FLNA: variants seen among roughly 807,000 people sequenced by gnomAD.
The protein encoded by FLNA is filamin-A.
Under a neutral mutation model 157.6 loss-of-function variants are expected in FLNA, and 7 were observed. The observed-to-expected ratio is 0.04, with a 90% CI of 0.03 to 0.08. FLNA has a LOEUF of 0.08. Among genes scored for constraint, FLNA ranks in the 10% least tolerant of loss-of-function variants. The probability of loss-of-function intolerance (pLI) is 1.00; values close to 1 mark genes in which losing one functional copy is unlikely to be tolerated. For synonymous variants in FLNA, 1,103 were observed against 1,060.8 expected, an observed-to-expected ratio of 1.04 and a Z score of -0.77; for missense variants, 1,750 against 2,398.4, an observed-to-expected ratio of 0.73 and a Z score of 5.65.
chrX:154,371,138 C>G lies in FLNA; in HGVS notation c.108G>C (p.Ala36=). 8.3e-7 allele frequency: 1 copy of G among 1,202,198 alleles called. No individual in the cohort carries two copies. Residue 36 remains alanine (A), a synonymous_variant, in exon 2 of 48, where the codon GCG becomes GCC. Transcript: ENST00000369850. ...AEMPATEKDL[A]EDAPWKKIQQ... Reference sequence around the variant, plus strand: ...GGATCTTCTTCCACGGCGCGTCCTCCGCCAGGTCCTTCTCGGTGGCCGGCA... The same window carrying G: ...GGATCTTCTTCCACGGCGCGTCCTCGGCCAGGTCCTTCTCGGTGGCCGGCA...
Position 154,362,289 on chromosome X carries a change from T to C in FLNA, c.2609A>G (p.His870Arg), listed in dbSNP as rs200679107. Residue 870 changes from histidine to arginine, a missense_variant, in exon 18 of 48, where the codon CAT becomes CGT. Coordinates refer to ENST00000369850, the MANE Select transcript of FLNA (RefSeq NM_001110556.2). Reference protein sequence around the residue: ...SPIRVKVEPSHDASKVKAEGP... With the variant: ...SPIRVKVEPSRDASKVKAEGP... ...CTCGGCCTTCACCTTACTGGCGTCA[T>C]GAGAGGGCTCCACCTTGACTCGGAT... is the stretch of plus-strand genomic sequence containing the variant. The C allele has an allele frequency of 7.4e-5, 90 of 1,209,590 alleles. No homozygotes were observed. The South Asian group carries it at 1.1e-3, about 15-fold the overall frequency.
In FLNA at chrX:154,366,556, G is replaced by GCTCA; in HGVS notation, c.1065+2_1065+5dup. The GCTCA allele has an allele frequency of 8.3e-7, 1 of 1,210,543 alleles. No homozygotes were observed. Among genetic ancestry groups the GCTCA allele is most frequent in the East Asian group, 3.0e-5 (1 of 33,856 alleles). On this transcript the variant is annotated splice_donor_region_variant and intron_variant, in intron 7 of 47. Coordinates refer to ENST00000369850, the MANE Select transcript of FLNA (RefSeq NM_001110556.2). ...TCACAAGCCTCCCCCCTGGCCAAGG[G>GCTCA]CTCACCTTATGAGTCCCCGTCACCT...
In FLNA at chrX:154,354,175, G is replaced by A. The variant is rs782307604; in HGVS notation, c.5533C>T (p.Arg1845Cys). 5.0e-6 allele frequency: 6 copies of A among 1,210,836 alleles called. No homozygotes were observed. The highest frequency in any genetic ancestry group is 3.5e-5 in the South Asian group (2 of 56,926). ...CCTGGGATGTGCATGTTGTCATAGC[G>A]GATGTCCATCTCGTGCAGGCCAGCC... ...SEAGLHEMDI[R>C]YDNMHIPGSP... Residue 1845 changes from arginine to cysteine, a missense_variant, in exon 34 of 48, where the codon CGC becomes TGC. Transcript: ENST00000369850.
chrX:154,354,391 G>T lies in FLNA; in HGVS notation c.5406C>A (p.Gly1802=), dbSNP rs782099907. 6.6e-6 allele frequency: 8 copies of T among 1,210,920 alleles called. 1 individual carries two copies. The South Asian group carries it at 1.4e-4, about 21-fold the overall frequency. The part of the protein sequence containing the change: ...DLVIPFTIKK[G]EITGEVRMPS... Reference sequence around the variant, plus strand: ...CAAGTCCCCACTCACCTGTGATCTCGCCCTTCTTGATGGTGAAGGGGATGA... The same window carrying T: ...CAAGTCCCCACTCACCTGTGATCTCTCCCTTCTTGATGGTGAAGGGGATGA... Residue 1802 remains glycine (G), a synonymous_variant, in exon 33 of 48, where the codon GGC becomes GGA. Coordinates refer to ENST00000369850, the MANE Select transcript of FLNA (RefSeq NM_001110556.2).
In FLNA at chrX:154,362,556, C is replaced by A; in HGVS notation, c.2427G>T (p.Lys809Asn). The stretch of plus-strand genomic sequence containing the variant: ...CGGGGCCTACCACTCCAGGGGCACA[C>A]TTGATGCCGATGCTGACGTCCCCTG... ...AGQGDVSIGI[K>N]CAPGVVGPAE... Residue 809 changes from lysine (K) to asparagine (N), a missense_variant, in exon 17 of 48, where the codon AAG becomes AAT. This residue lies in a region of FLNA where 648 missense variants were observed against 805.8 expected (regional missense o/e 0.80). Coordinates refer to ENST00000369850, the MANE Select transcript of FLNA (RefSeq NM_001110556.2). 8.3e-7 allele frequency: 1 copy of A among 1,211,463 alleles called. No homozygotes were observed. The highest frequency in any genetic ancestry group is 1.1e-6 in the Non-Finnish European group (1 of 895,454).
intron 2 of FLNA, among the ~76,000 whole-genome samples, chrX:154,369,915 G>A (rs2067792309): frequency 8.9e-6 from 1 of 112,294 alleles, no homozygotes; most frequent in African/African-American, 3.2e-5. Context: ...GGGCTGCAGG[G>A]TAACTGGAAG....
In FLNA at chrX:154,353,456, A is replaced by C. The variant is rs2148105577; in HGVS notation, c.5862T>G (p.Gly1954=). The C allele has an allele frequency of 8.3e-7, 1 of 1,211,472 alleles. No homozygotes were observed. Among genetic ancestry groups the C allele is most frequent in the Non-Finnish European group, 1.1e-6 (1 of 895,478 alleles). ...PGSPFTARVT[G]DDSMRMSHLK... The stretch of plus-strand genomic sequence containing the variant: ...GGTGGGACATACGCATGGAGTCGTC[A>C]CCTGGTGGGGACAGGCCAGCCATCA... The change falls in exon 37 of 48, where the codon GGT becomes GGG. Residue 1954 remains glycine, a splice_region_variant and synonymous_variant. Transcript: ENST00000369850.
chrX:154,357,688 G>A (rs1360777233), intron 28 of FLNA, 65 bp from the exon 29 acceptor site: 14 of 1,010,986 alleles, frequency 1.4e-5, no homozygotes, highest in African/African-American at 5.6e-5. Flanking sequence ...TGCCTCAGGC[G>A]CTCCCAGAGT....
At chrX:154,349,063 A>C in intron 47 of FLNA, 27 bp from the exon 48 acceptor site, 1 of 1,176,651 alleles carries the variant, frequency 8.5e-7, no homozygotes, top group Non-Finnish European at 1.1e-6. Context: ...CCTCAGTCCC[A>C]GGTCCCAGCC....
In FLNA at chrX:154,361,403, C is replaced by T. The variant is rs1187268269; in HGVS notation, c.3112G>A (p.Glu1038Lys). ...NSVVRFLPRE[E>K]GPYEVEVTYD... ...GTCACCTCCACCTCATAGGGCCCTT[C>T]CTCACGGGGCAGGAAGCGCACCACA... The change falls in exon 21 of 48, where the codon GAA (glutamate) becomes AAA (lysine). Residue 1038 changes from glutamate to lysine, a missense_variant. This residue lies in a region of FLNA where 648 missense variants were observed against 805.8 expected (regional missense o/e 0.80). Transcript: ENST00000369850. 3.3e-6 allele frequency: 4 copies of T among 1,210,875 alleles called. No individual in the cohort carries two copies. The Admixed American group carries it at 6.5e-5, about 20-fold the overall frequency.
At position 154,361,533 on chromosome X, in the gene FLNA, T is replaced by C. The variant is rs782056982; in HGVS notation, c.2982A>G (p.Lys994=). The C allele has an allele frequency of 4.9e-5, 59 of 1,211,410 alleles. No individual in the cohort carries two copies. The highest frequency in any genetic ancestry group is 6.6e-5 in the Non-Finnish European group (59 of 895,392). The change falls in exon 21 of 48, where the codon AAA becomes AAG. Residue 994 remains lysine (K), a synonymous_variant. Transcript: ENST00000369850. ...DVGKDQEFTV[K]SKGAGGQGKV... ...TGCCTTGACCACCAGCACCCTTTGA[T>C]TTGACTGTGAACTCCTGGTCTTTGC...
Position 154,371,356 on chromosome X carries a change from G to A in FLNA, c.-111C>T, listed in dbSNP as rs781784075. On this transcript the variant is annotated 5_prime_UTR_variant, in exon 2 of 48. Transcript: ENST00000369850. Reference sequence around the variant, plus strand: ...GCGGGAGGCGAGGCAGGGAGCAGAGGTTGCGCTGCGGAGAGAGCGAGCCCT... The same window carrying A: ...GCGGGAGGCGAGGCAGGGAGCAGAGATTGCGCTGCGGAGAGAGCGAGCCCT... The A allele has an allele frequency of 7.0e-6, 7 of 993,235 alleles. No individual in the cohort carries two copies. In the East Asian group the frequency reaches 1.3e-4, roughly 19 times the overall value. 81.9% of individuals were successfully genotyped at this position (993,235 alleles called of 1,213,427 possible). A position where few individuals can be genotyped will look rare whatever the true frequency, so the allele number is the denominator to read the frequency against.
At chrX:154,358,801 C>T in intron 26 of FLNA, 183 bp downstream of exon 26, 1 of 605,640 alleles carries the variant, frequency 1.7e-6, no homozygotes, top group East Asian at 3.4e-5. Flanking sequence ...CCAGTCCCAT[C>T]TGCTCTACCT....
At chrX:154,354,745 T>G in intron 31 of FLNA, 34 bp from the exon 32 acceptor site, 1 of 1,208,890 alleles carries the variant, frequency 8.3e-7, no homozygotes, top group Non-Finnish European at 1.1e-6. Flanking sequence ...CTGGAGAGTC[T>G]GTTGTCACAG....
chrX:154,365,842 CGAG>C (rs782525542), intron 9 of FLNA, among the ~76,000 whole-genome samples, 179 bp downstream of exon 9: 1 of 112,048 alleles, frequency 8.9e-6, no homozygotes, highest in Non-Finnish European at 1.9e-5. Context: ...TGGAGAGGGG[CGAG>C]GAGAGGAGAG....
intron 11 of FLNA, 35 bp downstream of exon 11, chrX:154,365,101 T>C: frequency 4.1e-6 from 5 of 1,210,981 alleles, no homozygotes; most frequent in Non-Finnish European, 5.6e-6. Context: ...AGGCAGAGTG[T>C]GCAGAGCTGG....
In FLNA at chrX:154,348,784, A is replaced by G; in HGVS notation, c.*65T>C. On this transcript the variant is annotated 3_prime_UTR_variant, in exon 48 of 48. Transcript: ENST00000369850. ...GCGGCCTGGGCCGGGGTTGAGGGGAAGAGGGCGGGGCTGCTTGGGTAGCGG... is the reference window on the plus strand; with the variant it reads ...GCGGCCTGGGCCGGGGTTGAGGGGAGGAGGGCGGGGCTGCTTGGGTAGCGG... 3 of 1,075,110 alleles carry G rather than the reference A, an allele frequency of 2.8e-6. No individual in the cohort carries two copies. Among genetic ancestry groups the G allele is most frequent in the Non-Finnish European group, 3.8e-6 (3 of 790,797 alleles). The allele number at this position is 1,075,110 out of a possible 1,213,427, so 88.6% of individuals were successfully genotyped here.
chrX:154,353,042 G>T lies in FLNA; in HGVS notation c.6185C>A (p.Thr2062Asn). Residue 2062 changes from threonine (T) to asparagine (N), a missense_variant, in exon 38 of 48, where the codon ACC becomes AAC. By Grantham distance (65) the Thr-to-Asn change is moderately conservative. Transcript: ENST00000369850. ...VSGQGLHEGH[T>N]FEPAEFIIDT... ...AATGATAAACTCTGCAGGCTCAAAG[G>T]TGTGGCCTTCGTGAAGGCCCTGACC... 8.3e-7 allele frequency: 1 copy of T among 1,211,707 alleles called. No homozygotes were observed.
At chrX:154,350,369 G>T in intron 44 of FLNA, 162 bp from the exon 45 acceptor site, 1 of 481,497 alleles carries the variant, frequency 2.1e-6, no homozygotes. Flanking sequence ...ACCTCCTGAG[G>T]GCCGAAGGTT....
Sources: gnomAD v4.1 joint callset for allele counts (sites outside exome capture counted in the v4.1 genomes callset) on GRCh38, gnomAD v4.1.1 for gene constraint, gnomAD v4.1.1 regional missense constraint, MANE v1.5 for transcripts, NCBI Gene and HGNC (gene_info 2026-07-23, HGNC 2026-07-21) for gene names.